Variants in FOXO3 observed in about 807,000 individuals in gnomAD.
FOXO3 encodes forkhead box O3.
A neutral mutation model predicts 41.9 loss-of-function variants in FOXO3; 4 were observed. The observed-to-expected ratio is 0.10, with a 90% CI of 0.05 to 0.22. FOXO3 has a LOEUF of 0.22. Among genes scored for constraint, FOXO3 ranks in the 10% least tolerant of loss-of-function variants. The pLI, the probability that FOXO3 is intolerant of heterozygous loss-of-function variation, is 1.00. For synonymous variants in FOXO3, 318 were observed against 389.3 expected (o/e 0.82, Z 2.16); for missense variants, 534 against 906.8 (o/e 0.59, Z 5.28).
intron 1 of FOXO3, among the ~76,000 whole-genome samples, chr6:108,660,593 G>C (rs903940326): frequency 6.6e-6 from 1 of 152,066 alleles, no homozygotes; most frequent in Non-Finnish European, 1.5e-5. Flanking sequence ...TGGGCTGGGC[G>C]TGGTGGCTCA....
At chr6:108,604,516 T>A (rs1468562487) in intron 1 of FOXO3, among the ~76,000 whole-genome samples, 1 of 152,212 alleles carries the variant, frequency 6.6e-6, no homozygotes, top group Non-Finnish European at 1.5e-5. Context: ...GTATGTAATA[T>A]TACTTCTGAC....
chr6:108,619,858 G>A (rs746617493), intron 1 of FOXO3, among the ~76,000 whole-genome samples: 12 of 152,154 alleles, frequency 7.9e-5, no homozygotes, highest in Non-Finnish European at 1.2e-4. Flanking sequence ...TTAATTTGGC[G>A]TGTCTTAATG....
At chr6:108,660,135 G>C (rs56924132) in intron 1 of FOXO3, among the ~76,000 whole-genome samples, 6,666 of 152,154 alleles carry the variant, frequency 0.044, 402 homozygotes, top group African/African-American at 0.14. Context: ...CGGGACCTCC[G>C]TGTTTTTTCA....
chr6:108,561,393 A>G lies in FOXO3; in HGVS notation c.185A>G (p.Asp62Gly). 1.3e-6 allele frequency: 2 copies of G among 1,548,206 alleles called. No individual in the cohort carries two copies. The highest frequency in any genetic ancestry group is 1.7e-6 in the Non-Finnish European group (2 of 1,148,784). ...AADSMIPEEE[D>G]DEDDEDGGGR... ...GACTCCATGATCCCCGAGGAGGAGG[A>G]CGATGAAGACGACGAGGACGGCGGG... Residue 62 changes from aspartate to glycine, a missense_variant, in exon 1 of 3, where the codon GAC (aspartate) becomes GGC (glycine). Physicochemically the swap from Asp to Gly is moderately conservative, Grantham distance 94 (BLOSUM62 -1). Coordinates refer to ENST00000406360, the MANE Select transcript of FOXO3 (RefSeq NM_001455.4).
At chr6:108,578,854 C>T (rs75621079) in intron 1 of FOXO3, among the ~76,000 whole-genome samples, 3,980 of 152,142 alleles carry the variant, frequency 0.026, 174 homozygotes, top group African/African-American at 0.091. Flanking sequence ...AGAGGTAAGG[C>T]GGGACATTCA....
At chr6:108,623,453 T>C (rs1239379098) in intron 1 of FOXO3, among the ~76,000 whole-genome samples, 7 of 152,168 alleles carry the variant, frequency 4.6e-5, no homozygotes, top group East Asian at 1.9e-4. Context: ...TCCCTAAGCA[T>C]TGTGGTAGGC....
In FOXO3 at chr6:108,664,460, G is replaced by T; in HGVS notation, c.1627G>T (p.Ala543Ser). The change falls in exon 2 of 3, where the codon GCT becomes TCT. Residue 543 changes from alanine (A) to serine (S), a missense_variant. This residue lies in a region of FOXO3 where 94 missense variants were observed against 214.4 expected (regional missense o/e 0.44). Coordinates refer to ENST00000406360, the MANE Select transcript of FOXO3 (RefSeq NM_001455.4). ...LLHHQHQTQG[A>S]LGGSRALSNS... ...CCACCACCAGCACCAAACCCAGGGC[G>T]CTCTTGGTGGCAGCCGTGCCTTGTC... is the stretch of plus-strand genomic sequence containing the variant. 12 of 1,607,654 alleles carry T rather than the reference G, an allele frequency of 7.5e-6. No individual in the cohort carries two copies. Among genetic ancestry groups the T allele is most frequent in the Non-Finnish European group, 1.0e-5 (12 of 1,174,850 alleles).
chr6:108,562,242 G>A (rs1010555805), intron 1 of FOXO3, among the ~76,000 whole-genome samples: 1 of 152,078 alleles, frequency 6.6e-6, no homozygotes, highest in Non-Finnish European at 1.5e-5. Flanking sequence ...TTGGGACGCA[G>A]TGTCTGGAGG....
intron 1 of FOXO3, among the ~76,000 whole-genome samples, chr6:108,564,395 GT>G (rs1357929042): frequency 6.6e-6 from 1 of 152,196 alleles, no homozygotes; most frequent in Non-Finnish European, 1.5e-5. Context: ...GTTGATTCTT[GT>G]CATGATTAGT....
chr6:108,619,820 A>C (rs1777616897), intron 1 of FOXO3, among the ~76,000 whole-genome samples: 1 of 152,244 alleles, frequency 6.6e-6, no homozygotes, highest in Non-Finnish European at 1.5e-5. Flanking sequence ...TGAAGTCATG[A>C]GGATGTGATT....
Position 108,663,718 on chromosome 6 carries a change from C to T in FOXO3, c.885C>T (p.Pro295=), listed in dbSNP as rs746435261. 30 of 1,613,606 alleles carry T rather than the reference C, an allele frequency of 1.9e-5. No individual in the cohort carries two copies. The South Asian group carries it at 3.2e-4, about 17-fold the overall frequency. The change falls in exon 2 of 3, where the codon CCC becomes CCT. Residue 295 remains proline, a synonymous_variant. Coordinates refer to ENST00000406360, the MANE Select transcript of FOXO3 (RefSeq NM_001455.4). ...PSQLSKWPGS[P]TSRSSDELDA... Reference sequence around the variant, plus strand: ...AGCTCTCCAAGTGGCCTGGCAGCCCCACGTCACGCAGCAGTGATGAGCTGG... The same window carrying T: ...AGCTCTCCAAGTGGCCTGGCAGCCCTACGTCACGCAGCAGTGATGAGCTGG...
chr6:108,606,657 A>G (rs769142036), intron 1 of FOXO3, among the ~76,000 whole-genome samples: 4 of 152,250 alleles, frequency 2.6e-5, no homozygotes, highest in Non-Finnish European at 4.4e-5. Context: ...AGGAACTGAC[A>G]AACTTTTCTA....
chr6:108,566,572 AT>A (rs201201353), intron 1 of FOXO3, among the ~76,000 whole-genome samples: 2 of 149,620 alleles, frequency 1.3e-5, no homozygotes, highest in Admixed American at 6.7e-5. Context: ...ACCCCATCTT[AT>A]TTTTTTTTTA....
intron 1 of FOXO3, among the ~76,000 whole-genome samples, chr6:108,566,163 C>T (rs74998990): frequency 0.04 from 6,132 of 152,108 alleles, 158 homozygotes; most frequent in Non-Finnish European, 0.063. Context: ...AGAAATTGGC[C>T]CTTTTAGACT....
chr6:108,568,177 A>G (rs1411315491), intron 1 of FOXO3, among the ~76,000 whole-genome samples: 4 of 149,368 alleles, frequency 2.7e-5, no homozygotes, highest in Non-Finnish European at 3.0e-5. Flanking sequence ...GCACCACTGC[A>G]CTCCAGCCTG....
At chr6:108,667,535 G>A (rs1382979877) in intron 2 of FOXO3, among the ~76,000 whole-genome samples, 1 of 152,148 alleles carries the variant, frequency 6.6e-6, no homozygotes, top group African/African-American at 2.4e-5. Flanking sequence ...TCAAGTGTTG[G>A]TTTCCCTTTT....
At chr6:108,629,320 G>T (rs1242060728) in intron 1 of FOXO3, among the ~76,000 whole-genome samples, 2 of 152,102 alleles carry the variant, frequency 1.3e-5, no homozygotes, top group African/African-American at 2.4e-5. Flanking sequence ...GGAAAGGCAG[G>T]TAAGATTGAG....
At chr6:108,648,902 T>A (rs2128381791) in intron 1 of FOXO3, among the ~76,000 whole-genome samples, 1 of 149,068 alleles carries the variant, frequency 6.7e-6, no homozygotes, top group African/African-American at 2.5e-5. Flanking sequence ...GAAGCTGAGG[T>A]AGGAGGATCA....
chr6:108,668,028 A>T (rs1408875168), intron 2 of FOXO3, among the ~76,000 whole-genome samples: 1 of 152,204 alleles, frequency 6.6e-6, no homozygotes, highest in Non-Finnish European at 1.5e-5. Flanking sequence ...TCCTAAATTC[A>T]CAGAACGAGG....
Sources: gnomAD v4.1 joint callset for allele counts (sites outside exome capture counted in the v4.1 genomes callset) on GRCh38, gnomAD v4.1.1 for gene constraint, gnomAD v4.1.1 regional missense constraint, MANE v1.5 for transcripts, NCBI Gene and HGNC (gene_info 2026-07-23, HGNC 2026-07-21) for gene names.